The following CRACD variants were observed in gnomAD, a reference collection of about 807,000 sequenced individuals.
CRACD encodes capping protein-inhibiting regulator of actin dynamics.
A neutral mutation model predicts 106.8 loss-of-function variants in CRACD; 56 were observed. That is an observed-to-expected ratio of 0.52 (90% CI 0.42 to 0.66). CRACD has a LOEUF of 0.66. CRACD is among the 30% of genes least tolerant of loss of function. CRACD has a pLI of 0.00. For missense variants in CRACD, 1,730 were observed against 1,623.2 expected (o/e 1.07, Z -1.13); for synonymous variants, 754 against 670.8 (o/e 1.12, Z -1.92).
At chr4:56,149,139 A>G (rs369968554) in intron 1 of CRACD, among the ~76,000 whole-genome samples, 1 of 152,138 alleles carries the variant, frequency 6.6e-6, no homozygotes, top group East Asian at 1.9e-4. Flanking sequence ...TAATAAATGT[A>G]TGTAAACATA....
At chr4:56,112,965 A>C (rs561569327) in intron 1 of CRACD, among the ~76,000 whole-genome samples, 27 of 141,132 alleles carry the variant, frequency 1.9e-4, no homozygotes, top group Non-Finnish European at 2.9e-4. Context: ...CGCTGTAACT[A>C]AAGGTGTTTT....
At position 56,316,490 on chromosome 4, in the gene CRACD, G is replaced by A. The variant is rs1745664382; in HGVS notation, c.2988G>A (p.Pro996=). ...TGCTGTCTCGCCGAGCGGGGAGGCC[G>A]GACCCAGAGCCAAGTGAGCCGTCCA... ...VELLSRRAGR[P]DPEPSEPSKE... is the part of the protein sequence containing the mutation. The change falls in exon 8 of 11, where the codon CCG becomes CCA. Residue 996 remains proline (P), a synonymous_variant. Transcript: ENST00000682029. 3.7e-6 allele frequency: 6 copies of A among 1,613,634 alleles called. No individual in the cohort carries two copies. Among genetic ancestry groups the A allele is most frequent in the African/African-American group, 2.7e-5 (2 of 74,936 alleles).
At position 56,059,884 on chromosome 4, in the gene CRACD, A is replaced by G. The variant is rs138239229; in HGVS notation, c.-336+10585A>G. Among the ~76,000 whole-genome samples, 986 of 152,212 alleles carry G rather than the reference A, an allele frequency of 6.5e-3. 8 individuals carry two copies. The highest frequency in any genetic ancestry group is 0.011 in the Non-Finnish European group (744 of 68,008). On this transcript the variant is annotated intron_variant, in intron 1 of 10. Transcript: ENST00000682029. ...TTTTTAGTAGAAAAGGGGTTTTGCC[A>G]TGTTGGCCAGGCTGGTCTCAAACTC...
intron 1 of CRACD, among the ~76,000 whole-genome samples, chr4:56,103,669 T>C (rs1733854324): frequency 6.6e-6 from 1 of 152,246 alleles, no homozygotes; most frequent in Admixed American, 6.5e-5. Context: ...TGAGATTCTC[T>C]GTGTCTTTTG....
chr4:56,193,526 C>G (rs1426350420), intron 2 of CRACD, among the ~76,000 whole-genome samples: 1 of 152,194 alleles, frequency 6.6e-6, no homozygotes, highest in Middle Eastern at 3.2e-3. Flanking sequence ...TAGAGATTTT[C>G]TTCCTTCCCA....
At chr4:56,059,567 G>A (rs1452825923) in intron 1 of CRACD, among the ~76,000 whole-genome samples, 2 of 152,172 alleles carry the variant, frequency 1.3e-5, no homozygotes, top group East Asian at 1.9e-4. Context: ...AACCTGTACT[G>A]AACATATACC....
intron 1 of CRACD, among the ~76,000 whole-genome samples, chr4:56,172,524 A>G (rs1736412908): frequency 6.6e-6 from 1 of 152,138 alleles, no homozygotes; most frequent in East Asian, 1.9e-4. Flanking sequence ...GTGCAATGGC[A>G]TGATCTCGGC....
intron 3 of CRACD, among the ~76,000 whole-genome samples, chr4:56,296,745 T>C (rs1309919036): frequency 6.6e-6 from 1 of 152,186 alleles, no homozygotes. Context: ...ATTGTGGCAA[T>C]GTGCATGCCT....
At chr4:56,106,512 G>A (rs979057170) in intron 1 of CRACD, among the ~76,000 whole-genome samples, 3 of 152,188 alleles carry the variant, frequency 2.0e-5, no homozygotes, top group African/African-American at 7.2e-5. Flanking sequence ...AAGTTCCAAG[G>A]CTGGCAAGAT....
intron 1 of CRACD, among the ~76,000 whole-genome samples, chr4:56,100,967 T>C (rs1476599977): frequency 6.6e-6 from 1 of 152,188 alleles, no homozygotes; most frequent in Non-Finnish European, 1.5e-5. Flanking sequence ...TTGGATTAAA[T>C]GTGATCTCTG....
intron 9 of CRACD, among the ~76,000 whole-genome samples, chr4:56,323,772 TG>T (rs1229970328): frequency 1.3e-5 from 2 of 152,256 alleles, no homozygotes; most frequent in African/African-American, 4.8e-5. Context: ...TAGGTTAACC[TG>T]ATTTGCCATA....
In CRACD at chr4:56,316,595, G is replaced by T; in HGVS notation, c.3093G>T (p.Glu1031Asp). The T allele has an allele frequency of 6.2e-7, 1 of 1,613,552 alleles. No homozygotes were observed. The highest frequency in any genetic ancestry group is 8.5e-7 in the Non-Finnish European group (1 of 1,179,816). The change falls in exon 8 of 11, where the codon GAG becomes GAT. Residue 1031 changes from glutamate (E) to aspartate (D), a missense_variant. By Grantham distance (45) the Glu-to-Asp change is conservative. This residue lies in a region of CRACD where 1,620 missense variants were observed against 1,481.6 expected (regional missense o/e 1.09). Coordinates refer to ENST00000682029, the MANE Select transcript of CRACD (RefSeq NM_001393381.1). The part of the protein sequence containing the change: ...PEERKGQKRD[E>D]EEEATERKPA... Reference sequence around the variant, plus strand: ...AAAGGAAGGGACAGAAGAGGGACGAGGAGGAAGAGGCGACAGAGAGGAAAC... The same window carrying T: ...AAAGGAAGGGACAGAAGAGGGACGATGAGGAAGAGGCGACAGAGAGGAAAC...
Position 56,157,852 on chromosome 4 carries a change from G to T in CRACD, c.-335-21432G>T, listed in dbSNP as rs553927542. On this transcript the variant is annotated intron_variant, in intron 1 of 10. Coordinates refer to ENST00000682029, the MANE Select transcript of CRACD (RefSeq NM_001393381.1). ...CTGATGAGAAGGATGGGACTAACTG[G>T]GTCTCTCTTTTCATTTTGAGTGCCT... Among the ~76,000 whole-genome samples, 6 of 152,134 alleles carry T rather than the reference G, an allele frequency of 3.9e-5. No individual in the cohort carries two copies. The South Asian group carries it at 1.0e-3, about 26-fold the overall frequency.
chr4:56,205,678 A>G (rs1386835252), intron 2 of CRACD, among the ~76,000 whole-genome samples: 7 of 152,126 alleles, frequency 4.6e-5, no homozygotes, highest in Admixed American at 2.6e-4. Flanking sequence ...GGGTCTCACT[A>G]TGTTGCCCAG....
At chr4:56,248,711 G>T (rs1740855116) in intron 2 of CRACD, among the ~76,000 whole-genome samples, 2 of 141,102 alleles carry the variant, frequency 1.4e-5, no homozygotes, top group African/African-American at 2.6e-5. Context: ...ATCTCCCAAA[G>T]CTATCCCTCC....
At chr4:56,054,383 C>T (rs949648663) in intron 1 of CRACD, among the ~76,000 whole-genome samples, 8 of 152,074 alleles carry the variant, frequency 5.3e-5, no homozygotes, top group South Asian at 2.1e-4. Flanking sequence ...TCTCTGTTTC[C>T]TAGGCTGGTC....
In CRACD at chr4:56,057,369, T is replaced by A. The variant is rs980301129; in HGVS notation, c.-336+8070T>A. Among the ~76,000 whole-genome samples the A allele has an allele frequency of 1.2e-4, 18 of 152,166 alleles. 2 individuals carry two copies. The highest frequency in any genetic ancestry group is 9.8e-4 in the Admixed American group (15 of 15,284). ...TGTGCCTAAGCCATTGCCTGTTAGG[T>A]GTTTACTAGTTGTGTGTGTGTATGT... On this transcript the variant is annotated intron_variant, in intron 1 of 10. Transcript: ENST00000682029.
intron 1 of CRACD, among the ~76,000 whole-genome samples, chr4:56,122,376 G>A (rs969868131): frequency 6.6e-6 from 1 of 151,278 alleles, no homozygotes; most frequent in African/African-American, 2.4e-5. Context: ...CAGGGAAGGG[G>A]AAAAAGAAGC....
intron 1 of CRACD, among the ~76,000 whole-genome samples, chr4:56,146,341 C>G (rs1735378686): frequency 6.6e-6 from 1 of 151,798 alleles, no homozygotes; most frequent in African/African-American, 2.4e-5. Context: ...TTGTATTTGT[C>G]TGATATGTAT....
Sources: allele counts gnomAD v4.1 joint callset (sites outside exome capture counted in the v4.1 genomes callset), GRCh38; gene constraint gnomAD v4.1.1; regional missense constraint gnomAD v4.1.1; transcripts MANE v1.5; gene names NCBI Gene and HGNC (gene_info 2026-07-23, HGNC 2026-07-21).